The following LZTR1 variants were observed in gnomAD, a reference collection of about 807,000 sequenced individuals.
The protein encoded by LZTR1 is leucine-zipper-like transcriptional regulator 1.
A neutral mutation model predicts 105.7 loss-of-function variants in LZTR1; 260 were observed. The observed-to-expected ratio is 2.46, with a 90% CI of 2.22 to 2.72. The LOEUF (loss-of-function observed/expected upper bound fraction) is 2.72, where lower values mean the gene tolerates loss of function less well. Among genes scored for constraint, LZTR1 ranks in the 30% most tolerant of loss-of-function variants. The pLI is 0.00. For synonymous variants in LZTR1, 490 were observed against 476.4 expected, an observed-to-expected ratio of 1.03 and a Z score of -0.37; for missense variants, 1,214 against 1,166.9, an observed-to-expected ratio of 1.04 and a Z score of -0.59.
intron 5 of LZTR1, 96 bp from the exon 6 acceptor site, chr22:20,988,693 A>G (rs1054428596): frequency 6.0e-6 from 5 of 835,152 alleles, no homozygotes; most frequent in Admixed American, 5.4e-5. Flanking sequence ...GTAGCCATGC[A>G]GCCTGGCTGT....
In LZTR1 at chr22:20,995,952, G is replaced by A. The variant is rs748836618; in HGVS notation, c.2070-11G>A. 8.7e-6 allele frequency: 14 copies of A among 1,613,440 alleles called. No individual in the cohort carries two copies. Among genetic ancestry groups the A allele is most frequent in the Admixed American group, 3.3e-5 (2 of 59,992 alleles). ...GCTGACGGCCAGGTGCCTACCGCTC[G>A]TTGTCTGCAGCTACTTTGAAGCCAT... is the stretch of plus-strand genomic sequence containing the variant. On this transcript the variant is annotated splice_polypyrimidine_tract_variant and intron_variant, in intron 17 of 20. Coordinates refer to ENST00000646124, the MANE Select transcript of LZTR1 (RefSeq NM_006767.4).
Position 20,997,383 on chromosome 22 carries a change from C to T in LZTR1, c.*35C>T, listed in dbSNP as rs757570696. The T allele has an allele frequency of 2.5e-5, 37 of 1,472,396 alleles. No individual in the cohort carries two copies. The highest frequency in any genetic ancestry group is 2.2e-4 in the South Asian group (19 of 88,246). The allele number at this position is 1,472,396 out of a possible 1,614,324, so 91.2% of individuals were successfully genotyped here. On this transcript the variant is annotated 3_prime_UTR_variant, in exon 21 of 21. Coordinates refer to ENST00000646124, the MANE Select transcript of LZTR1 (RefSeq NM_006767.4). ...GCGCCTGCCCATTGTGAAGAATCGC[C>T]GTGCCTGCCTGCCCTGCCTACTGAG...
intron 2 of LZTR1, 55 bp from the exon 3 acceptor site, chr22:20,985,786 G>A (rs1924358001): frequency 1.3e-6 from 2 of 1,550,916 alleles, no homozygotes; most frequent in Non-Finnish European, 1.8e-6. Context: ...CCATCTCTGG[G>A]GTCACTGCAG....
rs779865171 is a variant in LZTR1, at chr22:20,983,015, C to T, written c.201-12C>T. 5.0e-6 allele frequency: 8 copies of T among 1,613,768 alleles called. No homozygotes were observed. The East Asian group carries it at 1.3e-4, about 27-fold the overall frequency. ...GTCCTGTCCTTACCGCCCTCCACTC[C>T]TTTCTTTCCAGGCGCAGCAAGCACA... On this transcript the variant is annotated splice_polypyrimidine_tract_variant and intron_variant, in intron 1 of 20. Coordinates refer to ENST00000646124, the MANE Select transcript of LZTR1 (RefSeq NM_006767.4).
chr22:20,987,136 G>A (rs1195502900), intron 3 of LZTR1: 3 of 178,720 alleles, frequency 1.7e-5, no homozygotes, highest in Non-Finnish European at 3.5e-5. Flanking sequence ...GCTCACGCCT[G>A]TAATCCCAGC....
chr22:20,996,793 G>T lies in LZTR1; in HGVS notation c.2317G>T (p.Val773Leu). The change falls in exon 19 of 21, where the codon GTG becomes TTG. Residue 773 changes from valine to leucine, a missense_variant. Coordinates refer to ENST00000646124, the MANE Select transcript of LZTR1 (RefSeq NM_006767.4). Reference sequence around the variant, plus strand: ...GGAGATGAACGTGACGGTGCAGAACGTGCTGCAGGTAGCCCCCCAGCCCCG... The same window carrying T: ...GGAGATGAACGTGACGGTGCAGAACTTGCTGCAGGTAGCCCCCCAGCCCCG... ...NLEMNVTVQN[V>L]LQILEAADKT... 1 of 1,613,634 alleles carries T rather than the reference G, an allele frequency of 6.2e-7. No homozygotes were observed. The highest frequency in any genetic ancestry group is 2.2e-5 in the East Asian group (1 of 44,872).
intron 9 of LZTR1, 120 bp from the exon 10 acceptor site, chr22:20,992,094 A>G (rs1924626593): frequency 2.9e-6 from 3 of 1,026,350 alleles, no homozygotes; most frequent in East Asian, 2.4e-5. Flanking sequence ...TGGGAAGCCC[A>G]CGGCCATGCA....
intron 9 of LZTR1, 90 bp from the exon 10 acceptor site, chr22:20,992,124 C>A: frequency 7.6e-7 from 1 of 1,317,164 alleles, no homozygotes; most frequent in Non-Finnish European, 1.1e-6. Context: ...TCTTTCAGAA[C>A]CCACTCTCAA....
rs763822752 is a variant in LZTR1, at chr22:20,996,682, T to G, written c.2220-14T>G. On this transcript the variant is annotated splice_polypyrimidine_tract_variant and intron_variant, in intron 18 of 20. Transcript: ENST00000646124. The stretch of plus-strand genomic sequence containing the variant: ...GACCAGCTTCCTTTAGTCAGCTCCT[T>G]AACCAGGCCCCAGCTACTTGTTTGC... 3 of 1,612,262 alleles carry G rather than the reference T, an allele frequency of 1.9e-6. No individual in the cohort carries two copies. The highest frequency in any genetic ancestry group is 1.7e-5 in the Admixed American group (1 of 59,996).
chr22:20,985,999 T>TTCTTTCTAGCTTCCC, intron 3 of LZTR1, 102 bp downstream of exon 3: 1 of 1,266,638 alleles, frequency 7.9e-7, no homozygotes, highest in Non-Finnish European at 1.1e-6. Context: ...CATGGGAAGC[T>TTCTTTCTAGCTTCCC]AGAAAGAAGC....
At chr22:20,989,555 C>A in intron 6 of LZTR1, 70 bp from the exon 7 acceptor site, 2 of 1,289,918 alleles carry the variant, frequency 1.6e-6, no homozygotes, top group South Asian at 1.2e-5. Context: ...GCAGCCATCC[C>A]TTCCAGCCAG....
At chr22:20,992,531 TGCA>T in intron 10 of LZTR1, 162 bp downstream of exon 10, 3 of 848,162 alleles carry the variant, frequency 3.5e-6, no homozygotes, top group Non-Finnish European at 5.4e-6. Context: ...CTGGCCAGGC[TGCA>T]GCTTTCTGGG....
rs1277207072 is a variant in LZTR1 at position 20,996,810 on chromosome 22, C to T, written c.2325+9C>T. 1 of 1,613,088 alleles carries T rather than the reference C, an allele frequency of 6.2e-7. No individual in the cohort carries two copies. Among genetic ancestry groups the T allele is most frequent in the Non-Finnish European group, 8.5e-7 (1 of 1,179,594 alleles). On this transcript the variant is annotated intron_variant, in intron 19 of 20. Transcript: ENST00000646124. The stretch of plus-strand genomic sequence containing the variant: ...TGCAGAACGTGCTGCAGGTAGCCCC[C>T]CAGCCCCGTGCACATGGCTGCAGCT...
At chr22:20,994,471 C>A in intron 14 of LZTR1, 87 bp from the exon 15 acceptor site, 1 of 1,449,326 alleles carries the variant, frequency 6.9e-7, no homozygotes, top group Non-Finnish European at 9.5e-7. Context: ...TGGCCCCAGC[C>A]CACACTCTTC....
In LZTR1 at chr22:20,988,116, A is replaced by G. The variant is rs1478935522; in HGVS notation, c.507A>G (p.Gly169=). ...TGQWTEWKIE[G]RLPVARSAHG... ...AGTGGACGGAGTGGAAAATTGAAGG[A>G]CGGTGAGAAACTTTGCAGAAACATT... is the stretch of plus-strand genomic sequence containing the variant. Residue 169 remains glycine, a splice_region_variant and synonymous_variant, in exon 5 of 21, where the codon GGA becomes GGG. Coordinates refer to ENST00000646124, the MANE Select transcript of LZTR1 (RefSeq NM_006767.4). 2 of 1,594,982 alleles carry G rather than the reference A, an allele frequency of 1.3e-6. No individual in the cohort carries two copies. The highest frequency in any genetic ancestry group is 2.2e-5 in the South Asian group (2 of 90,570).
At chr22:20,992,698 C>A in intron 10 of LZTR1, 96 bp from the exon 11 acceptor site, 1 of 823,318 alleles carries the variant, frequency 1.2e-6, no homozygotes, top group Non-Finnish European at 2.0e-6. Flanking sequence ...CCCTTCATGG[C>A]CATGAGGTGC....
chr22:20,994,970 T>C lies in LZTR1; in HGVS notation c.1886T>C (p.Val629Ala), dbSNP rs1924776606. Reference protein sequence around the residue: ...RLSSPLIVEIVRRKQQPPPRT... With the variant: ...RLSSPLIVEIARRKQQPPPRT... ...TCCTCTCCACTGATAGTGGAGATTG[T>C]GCGGCGGAAGCAGCAGCCGCCCCCT... The change falls in exon 16 of 21, where the codon GTG becomes GCG. Residue 629 changes from valine (V) to alanine (A), a missense_variant. Transcript: ENST00000646124. 1 of 1,613,194 alleles carries C rather than the reference T, an allele frequency of 6.2e-7. No individual in the cohort carries two copies. Among genetic ancestry groups the C allele is most frequent in the South Asian group, 1.1e-5 (1 of 91,090 alleles).
Position 20,994,906 on chromosome 22 carries a change from T to G in LZTR1, c.1822T>G (p.Phe608Val). The stretch of plus-strand genomic sequence containing the variant: ...GAACTTCGTGGTAAAGGAGTCCCAC[T>G]TCAACCAGGTGATCATGATGAAGGA... ...CLNFVVKESH[F>V]NQVIMMKEFE... The change falls in exon 16 of 21, where the codon TTC (phenylalanine) becomes GTC (valine). Residue 608 changes from phenylalanine to valine, a missense_variant. Coordinates refer to ENST00000646124, the MANE Select transcript of LZTR1 (RefSeq NM_006767.4). 1 of 1,613,432 alleles carries G rather than the reference T, an allele frequency of 6.2e-7. No individual in the cohort carries two copies. Among genetic ancestry groups the G allele is most frequent in the Non-Finnish European group, 8.5e-7 (1 of 1,180,012 alleles).
At chr22:20,987,399 A>AC in intron 3 of LZTR1, 105 bp from the exon 4 acceptor site, 1 of 665,398 alleles carries the variant, frequency 1.5e-6, no homozygotes, top group Non-Finnish European at 2.7e-6. Context: ...AAAAAAAAAA[A>AC]AAAAGAAAAA....
Sources: allele counts gnomAD v4.1 joint callset, GRCh38; gene constraint gnomAD v4.1.1; transcripts MANE v1.5; gene names NCBI Gene and HGNC (gene_info 2026-07-23, HGNC 2026-07-21).